The following CAPN8 variants were observed in gnomAD, a reference collection of about 807,000 sequenced individuals.
The protein encoded by CAPN8 is calpain 8.
In CAPN8, 87 loss-of-function variants were observed where a neutral mutation model predicts 80.9. The ratio of observed to expected loss-of-function variants is 1.07; its 90% CI spans 0.90 to 1.28. The LOEUF (loss-of-function observed/expected upper bound fraction) is 1.28. CAPN8 is among the 50% of genes most tolerant of loss of function. The pLI is 0.00. For synonymous variants in CAPN8, 299 were observed against 273.8 expected (o/e 1.09, Z -0.91); for missense variants, 757 against 702.0 (o/e 1.08, Z -0.89).
At chr1:223,663,768 C>G (rs1453415790) in intron 1 of CAPN8, among the ~76,000 whole-genome samples, 1 of 152,122 alleles carries the variant, frequency 6.6e-6, no homozygotes, top group East Asian at 1.9e-4. Flanking sequence ...GGCAGCATGG[C>G]CAAGGAGTTA....
intron 7 of CAPN8, among the ~76,000 whole-genome samples, chr1:223,621,497 C>A (rs1388536065): frequency 6.6e-6 from 1 of 152,128 alleles, no homozygotes; most frequent in Non-Finnish European, 1.5e-5. Context: ...GTAAGAATGG[C>A]CCACATTCAG....
chr1:223,629,197 A>AGTGTGTGTGTGTGTGTGTGT (rs113967295), intron 2 of CAPN8, among the ~76,000 whole-genome samples: 117 of 95,256 alleles, frequency 1.2e-3, no homozygotes, highest in East Asian at 0.01. Context: ...TACGTGTAAG[A>AGTGTGTGTGTGTGTGTGTGT]GTGTGTGTGT....
chr1:223,620,259 C>G lies in CAPN8; in HGVS notation c.907G>C (p.Glu303Gln). The G allele has an allele frequency of 6.4e-7, 1 of 1,551,628 alleles. No homozygotes were observed. The highest frequency in any genetic ancestry group is 2.0e-5 in the Admixed American group (1 of 50,998). ...WSGAWSDDAP[E>Q]WNHIDPRRKE... ...CGCCGGGGGTCTATGTGATTCCACT[C>G]TGGTGCACTGAGGGGAAAACAAGCA... Residue 303 changes from glutamate to glutamine, a missense_variant, in exon 8 of 21, where the codon GAG (glutamate) becomes CAG (glutamine). By Grantham distance (29) the Glu-to-Gln change is conservative (BLOSUM62 2). Coordinates refer to ENST00000366872, the MANE Select transcript of CAPN8 (RefSeq NM_001143962.2).
At chr1:223,622,384 TC>T (rs1431801566) in intron 7 of CAPN8, among the ~76,000 whole-genome samples, 4 of 152,142 alleles carry the variant, frequency 2.6e-5, no homozygotes, top group African/African-American at 9.7e-5. Context: ...GGCCCGGGGC[TC>T]CTAGGGTCAA....
Position 223,550,926 on chromosome 1 carries a change from C to T in CAPN8, c.1699+34G>A, listed in dbSNP as rs1041349039. 5.6e-6 allele frequency: 4 copies of T among 716,238 alleles called. No individual in the cohort carries two copies. In the South Asian group the frequency reaches 5.9e-5, roughly 11 times the overall value. 44.4% of individuals were successfully genotyped at this position (716,238 alleles called of 1,614,324 possible). A position where few individuals can be genotyped will look rare whatever the true frequency, so the allele number is the denominator to read the frequency against. ...CCTCACCCTGCCCCAGCATCTCCTA[C>T]GGACTTTCTGAAAGACCCCAAGAAG... On this transcript the variant is annotated intron_variant, in intron 15 of 20. Transcript: ENST00000366872.
At chr1:223,556,848 G>A in intron 13 of CAPN8, among the ~76,000 whole-genome samples, 1 of 152,176 alleles carries the variant, frequency 6.6e-6, no homozygotes, top group East Asian at 1.9e-4. Context: ...TTTCTAATAT[G>A]CCTGGGACCC....
rs1293909205 is a variant in CAPN8, at chr1:223,550,955, C to A, written c.1699+5G>T. 1 of 718,014 alleles carries A rather than the reference C, an allele frequency of 1.4e-6. No homozygotes were observed. Among genetic ancestry groups the A allele is most frequent in the Non-Finnish European group, 2.6e-6 (1 of 384,938 alleles). The allele number at this position is 718,014 out of a possible 1,614,324, so 44.5% of individuals were successfully genotyped here. On this transcript the variant is annotated splice_donor_5th_base_variant and intron_variant, in intron 15 of 20. Coordinates refer to ENST00000366872, the MANE Select transcript of CAPN8 (RefSeq NM_001143962.2). ...CTTTCTGAAAGACCCCAAGAAGGAACTTACTCTTGGAAAACGCCTCATTCA... is the reference window on the plus strand; with the variant it reads ...CTTTCTGAAAGACCCCAAGAAGGAAATTACTCTTGGAAAACGCCTCATTCA...
Position 223,616,065 on chromosome 1 carries a change from A to G in CAPN8, c.1216T>C (p.Cys406Arg). Residue 406 changes from cysteine to arginine, a missense_variant, in exon 10 of 21, where the codon TGC (cysteine) becomes CGC (arginine). Transcript: ENST00000366872. ...ATCAGGCCCAGCAGCACTGTACAGC[A>G]GGGTTCACCGATGCTCTCCTCCTGG... ...EDQEESIGEP[C>R]CTVLLGLMQK... 8 of 1,552,258 alleles carry G rather than the reference A, an allele frequency of 5.2e-6. No homozygotes were observed. Among genetic ancestry groups the G allele is most frequent in the Non-Finnish European group, 7.0e-6 (8 of 1,147,116 alleles).
intron 2 of CAPN8, 41 bp from the exon 3 acceptor site, chr1:223,628,821 C>G (rs1205505552): frequency 6.8e-7 from 1 of 1,472,254 alleles, no homozygotes; most frequent in East Asian, 2.5e-5. Context: ...TCAGGCCCAG[C>G]CTGCAGGGGC....
chr1:223,546,264 A>T (rs1424386585), intron 16 of CAPN8, among the ~76,000 whole-genome samples: 1 of 152,182 alleles, frequency 6.6e-6, no homozygotes, highest in Non-Finnish European at 1.5e-5. Context: ...ATTTTGAAAC[A>T]GCCCCAGCTA....
At chr1:223,552,324 G>A (rs2102691778) in intron 14 of CAPN8, among the ~76,000 whole-genome samples, 1 of 152,296 alleles carries the variant, frequency 6.6e-6, no homozygotes, top group East Asian at 1.9e-4. Context: ...AGCACTTTGG[G>A]AGGCCGAGGT....
chr1:223,634,620 C>T (rs920531537), intron 2 of CAPN8, among the ~76,000 whole-genome samples: 9 of 152,172 alleles, frequency 5.9e-5, no homozygotes, highest in South Asian at 2.1e-4. Flanking sequence ...AAGATCAAAG[C>T]ACCAGCAGAG....
In CAPN8 at chr1:223,654,339, C is replaced by T; in HGVS notation, c.298G>A (p.Gly100Ser). The change falls in exon 2 of 21, where the codon GGT becomes AGT. Residue 100 changes from glycine to serine, a missense_variant. Coordinates refer to ENST00000366872, the MANE Select transcript of CAPN8 (RefSeq NM_001143962.2). Reference sequence around the variant, plus strand: ...CTCCCCAGTTACTCACCTAGACCACCCTGACAAATGTCTGTGCGCGTGGCT... The same window carrying T: ...CTCCCCAGTTACTCACCTAGACCACTCTGACAAATGTCTGTGCGCGTGGCT... ...GGATRTDICQ[G>S]GLGDCWLLAA... 6.4e-7 allele frequency: 1 copy of T among 1,551,682 alleles called. No homozygotes were observed. The highest frequency in any genetic ancestry group is 1.2e-5 in the South Asian group (1 of 84,048).
At position 223,619,559 on chromosome 1, in the gene CAPN8, C is replaced by A. The variant is rs1049475174; in HGVS notation, c.975-106G>T. 1.5e-5 allele frequency: 18 copies of A among 1,206,406 alleles called. 1 individual carries two copies. Among genetic ancestry groups the A allele is most frequent in the South Asian group, 7.3e-5 (5 of 68,508 alleles). 74.7% of individuals were successfully genotyped at this position (1,206,406 alleles called of 1,614,324 possible). ...GCCCTGTGGCACAGGCCCTAGAGGCCGTGGGCTAGCTTGATCTTTCCTACA... is the reference window on the plus strand; with the variant it reads ...GCCCTGTGGCACAGGCCCTAGAGGCAGTGGGCTAGCTTGATCTTTCCTACA... On this transcript the variant is annotated intron_variant, in intron 8 of 20. Coordinates refer to ENST00000366872, the MANE Select transcript of CAPN8 (RefSeq NM_001143962.2).
rs1296277237 is a variant in CAPN8, at chr1:223,545,286, C to T, written c.1778G>A (p.Gly593Asp). 3.2e-6 allele frequency: 5 copies of T among 1,551,490 alleles called. No individual in the cohort carries two copies. In the East Asian group the frequency reaches 9.8e-5, roughly 30 times the overall value. ...CTTGAATTCCACCGCCCCCAAAGTGCCCGTTCCATTGCTCTAGGCACATTA... is the reference window on the plus strand; with the variant it reads ...CTTGAATTCCACCGCCCCCAAAGTGTCCGTTCCATTGCTCTAGGCACATTA... ...MISLLDSNGTGTLGAVEFKTL... is the reference protein window; with the variant it reads ...MISLLDSNGTDTLGAVEFKTL... The change falls in exon 17 of 21, where the codon GGC becomes GAC. Residue 593 changes from glycine to aspartate, a missense_variant. Physicochemically the swap from Gly to Asp is moderately conservative, Grantham distance 94. Coordinates refer to ENST00000366872, the MANE Select transcript of CAPN8 (RefSeq NM_001143962.2).
chr1:223,556,147 C>T (rs1016374697), intron 13 of CAPN8, among the ~76,000 whole-genome samples: 1 of 152,330 alleles, frequency 6.6e-6, no homozygotes, highest in East Asian at 1.9e-4. Flanking sequence ...TTTTCCTTCC[C>T]TCATTCAGAG....
In CAPN8 at chr1:223,665,543, A is replaced by G; in HGVS notation, c.104T>C (p.Leu35Pro). 1 of 1,551,736 alleles carries G rather than the reference A, an allele frequency of 6.4e-7. No individual in the cohort carries two copies. Among genetic ancestry groups the G allele is most frequent in the Non-Finnish European group, 8.7e-7 (1 of 1,147,016 alleles). ...CCCTGAGTCCAAGCACTGTTGCCTCAGGGTCTTGAAATCCTGGCCCAAGTA... is the reference window on the plus strand; with the variant it reads ...CCCTGAGTCCAAGCACTGTTGCCTCGGGGTCTTGAAATCCTGGCCCAAGTA... Reference protein sequence around the residue: ...LKYLGQDFKTLRQQCLDSGVL... With the variant: ...LKYLGQDFKTPRQQCLDSGVL... Residue 35 changes from leucine (L) to proline (P), a missense_variant, in exon 1 of 21, where the codon CTG becomes CCG. Leu to Pro is a moderately conservative substitution (Grantham distance 98). Transcript: ENST00000366872.
chr1:223,646,377 C>T (rs1460749267), intron 2 of CAPN8, among the ~76,000 whole-genome samples: 1 of 152,222 alleles, frequency 6.6e-6, no homozygotes, highest in Non-Finnish European at 1.5e-5. Flanking sequence ...TGAGGGTGTA[C>T]ATCTCCCAGC....
chr1:223,553,728 C>T (rs1378694648), intron 14 of CAPN8, 104 bp downstream of exon 14: 2 of 398,044 alleles, frequency 5.0e-6, no homozygotes, highest in African/African-American at 4.1e-5. Context: ...CTGAGTCTCA[C>T]CCTTTTTATG....
Sources: allele counts gnomAD v4.1 joint callset (sites outside exome capture counted in the v4.1 genomes callset), GRCh38; gene constraint gnomAD v4.1.1; transcripts MANE v1.5; gene names NCBI Gene and HGNC (gene_info 2026-07-23, HGNC 2026-07-21).